CD109: variants seen among roughly 807,000 people sequenced by gnomAD.
The protein encoded by CD109 is CD109 antigen.
Under a neutral mutation model 165.8 loss-of-function variants are expected in CD109, and 149 were observed. The ratio of observed to expected loss-of-function variants is 0.90; its 90% CI spans 0.79 to 1.03. The LOEUF (loss-of-function observed/expected upper bound fraction) is 1.03, where lower values mean the gene tolerates loss of function less well. CD109 is among the 50% of genes least tolerant of loss of function. The probability of loss-of-function intolerance (pLI) is 0.00; values close to 1 mark genes in which losing one functional copy is unlikely to be tolerated. For missense variants in CD109, 1,712 were observed against 1,677.8 expected, an observed-to-expected ratio of 1.02 and a Z score of -0.36; for synonymous variants, 585 against 592.1, an observed-to-expected ratio of 0.99 and a Z score of 0.18.
rs371787371 is a variant in CD109, at chr6:73,810,953, A to G, written c.3547-39A>G. 11 of 1,580,984 alleles carry G rather than the reference A, an allele frequency of 7.0e-6. No individual in the cohort carries two copies. In the South Asian group the frequency reaches 1.0e-4, roughly 15 times the overall value. On this transcript the variant is annotated intron_variant, in intron 27 of 32. Transcript: ENST00000287097. ...AAATTTACTCTTTGAAGACCTTGAT[A>G]TATACTTATATGTACAAATGTTTTT... is the stretch of plus-strand genomic sequence containing the variant.
At chr6:73,696,154 C>A, upstream of CD109, 1 of 1,495,798 alleles carries the variant, frequency 6.7e-7, no homozygotes, top group Non-Finnish European at 9.0e-7. Flanking sequence ...TGGCAAGCCA[C>A]ACCCCACGGT....
intron 2 of CD109, among the ~76,000 whole-genome samples, chr6:73,708,659 T>C (rs1053536085): frequency 7.2e-5 from 11 of 152,222 alleles, no homozygotes; most frequent in Non-Finnish European, 1.6e-4. Flanking sequence ...CTCCAGTACC[T>C]GTTGTTTCCT....
rs1327007251 is a variant in CD109 at position 73,803,525 on chromosome 6, T to TG, written c.2960+224_2960+225insG. ...AAAGATAAGTTATAAATCCTCTTTT[T>TG]TGTGTGTGTGTGTGTGTGGAAGAAA... On this transcript the variant is annotated intron_variant, in intron 24 of 32. Coordinates refer to ENST00000287097, the MANE Select transcript of CD109 (RefSeq NM_133493.5). 3.3e-3 allele frequency among the ~76,000 whole-genome samples: 500 copies of TG among 151,228 alleles called. 3 individuals are homozygous for TG. The highest frequency in any genetic ancestry group is 0.012 in the African/African-American group (476 of 41,220).
At chr6:73,727,213 A>G (rs1323618537) in intron 3 of CD109, among the ~76,000 whole-genome samples, 1 of 152,132 alleles carries the variant, frequency 6.6e-6, no homozygotes, top group Non-Finnish European at 1.5e-5. Flanking sequence ...ATGCGCCCCC[A>G]TTGTTAACCA....
chr6:73,781,794 C>G (rs1457810775), intron 17 of CD109, among the ~76,000 whole-genome samples: 4 of 112,872 alleles, frequency 3.5e-5, no homozygotes, highest in South Asian at 2.7e-4. Context: ...CACACACACA[C>G]AGAGACATAG....
chr6:73,788,750 C>T, intron 22 of CD109, 138 bp downstream of exon 22: 1 of 677,494 alleles, frequency 1.5e-6, no homozygotes, highest in East Asian at 2.9e-5. Flanking sequence ...CCCAACAACT[C>T]ATTATAATAT....
At chr6:73,790,304 C>A (rs887352076) in intron 22 of CD109, among the ~76,000 whole-genome samples, 1 of 151,876 alleles carries the variant, frequency 6.6e-6, no homozygotes, top group Admixed American at 6.6e-5. Flanking sequence ...CCATGTTGGC[C>A]AGGCTGGTCT....
intron 26 of CD109, among the ~76,000 whole-genome samples, chr6:73,808,989 G>A (rs1484948897): frequency 6.6e-6 from 1 of 152,140 alleles, no homozygotes; most frequent in Non-Finnish European, 1.5e-5. Context: ...CAGTAACTTA[G>A]ATTGAATCCT....
intron 5 of CD109, among the ~76,000 whole-genome samples, chr6:73,749,098 G>A (rs1411187169): frequency 6.6e-6 from 1 of 152,170 alleles, no homozygotes; most frequent in African/African-American, 2.4e-5. Context: ...TGTTGTATGC[G>A]AGGGTGGGAA....
intron 15 of CD109, among the ~76,000 whole-genome samples, chr6:73,779,732 T>A (rs906332497): frequency 6.6e-6 from 1 of 152,150 alleles, no homozygotes; most frequent in Non-Finnish European, 1.5e-5. Context: ...TCCTTTTGTG[T>A]ATATACCTAG....
chr6:73,699,900 T>G (rs965391302), intron 2 of CD109, among the ~76,000 whole-genome samples: 1 of 152,200 alleles, frequency 6.6e-6, no homozygotes, highest in African/African-American at 2.4e-5. Flanking sequence ...TGTGAGGACT[T>G]GAGGATCAAG....
rs141444729 is a variant in CD109, at chr6:73,782,423, C to T, written c.1964-191C>T. Among the ~76,000 whole-genome samples the T allele has an allele frequency of 5.5e-4, 84 of 152,292 alleles. 1 individual carries two copies. Among genetic ancestry groups the T allele is most frequent in the African/African-American group, 1.9e-3 (81 of 41,560 alleles). On this transcript the variant is annotated intron_variant, in intron 17 of 32. Transcript: ENST00000287097. ...AATACCCATTCTATTGCCAGTAATA[C>T]TTACTGTATCCTTTACCTTTTCTGA...
intron 5 of CD109, among the ~76,000 whole-genome samples, chr6:73,755,050 T>C (rs1051821349): frequency 3.9e-5 from 6 of 152,354 alleles, no homozygotes; most frequent in African/African-American, 1.4e-4. Context: ...TAGTCTTGTC[T>C]GTGCTGGCCT....
chr6:73,788,357 A>G lies in CD109; in HGVS notation c.2557-111A>G, dbSNP rs547803064. The G allele has an allele frequency of 1.4e-5, 11 of 812,170 alleles. No homozygotes were observed. The East Asian group carries it at 2.0e-4, about 15-fold the overall frequency. 50.3% of individuals were successfully genotyped at this position (812,170 alleles called of 1,614,324 possible). ...AGAAATGATAGGTGCCTATTTAGCC[A>G]CACACAAACCTCAGACACAACAGGT... is the stretch of plus-strand genomic sequence containing the variant. On this transcript the variant is annotated intron_variant, in intron 21 of 32. Coordinates refer to ENST00000287097, the MANE Select transcript of CD109 (RefSeq NM_133493.5).
chr6:73,811,587 C>G (rs1304488145), intron 28 of CD109, among the ~76,000 whole-genome samples: 3 of 152,148 alleles, frequency 2.0e-5, no homozygotes, highest in Non-Finnish European at 4.4e-5. Flanking sequence ...AGGATTTGAA[C>G]TCATCATTCC....
intron 2 of CD109, among the ~76,000 whole-genome samples, chr6:73,720,624 A>G (rs1182477312): frequency 6.6e-6 from 1 of 152,238 alleles, no homozygotes; most frequent in Non-Finnish European, 1.5e-5. Flanking sequence ...GTCGCATACC[A>G]TAAATATATT....
chr6:73,693,703 A>G (rs1770729301), upstream of CD109, among the ~76,000 whole-genome samples: 2 of 151,910 alleles, frequency 1.3e-5, no homozygotes, highest in African/African-American at 4.8e-5. Context: ...GGTATGTGCC[A>G]CCATGCTGGG....
At chr6:73,791,136 C>CATATAT (rs61429872) in intron 22 of CD109, among the ~76,000 whole-genome samples, 169 of 56,252 alleles carry the variant, frequency 3.0e-3, no homozygotes, top group Non-Finnish European at 3.6e-3. Context: ...TACATACATA[C>CATATAT]ATATATATAT....
At chr6:73,781,084 T>C (rs1228714091) in intron 16 of CD109, among the ~76,000 whole-genome samples, 175 bp from the exon 17 acceptor site, 1 of 151,450 alleles carries the variant, frequency 6.6e-6, no homozygotes, top group African/African-American at 2.4e-5. Flanking sequence ...TTGATGTGTG[T>C]GTGCGTGTGT....
Sources: gnomAD v4.1 joint callset for allele counts (sites outside exome capture counted in the v4.1 genomes callset) on GRCh38, gnomAD v4.1.1 for gene constraint, MANE v1.5 for transcripts, NCBI Gene and HGNC (gene_info 2026-07-23, HGNC 2026-07-21) for gene names.